NBPF11: variants seen among roughly 807,000 people sequenced by gnomAD.
The protein encoded by NBPF11 is NBPF member 11.
Under a neutral mutation model 93.9 loss-of-function variants are expected in NBPF11, and 72 were observed. The ratio of observed to expected loss-of-function variants is 0.77; its 90% CI spans 0.63 to 0.93. The LOEUF is 0.93. Among genes scored for constraint, NBPF11 ranks in the 40% least tolerant of loss-of-function variants. The pLI, the probability that NBPF11 is intolerant of heterozygous loss-of-function variation, is 0.00. For synonymous variants in NBPF11, 224 were observed against 304.9 expected (o/e 0.73, Z 2.76); for missense variants, 705 against 802.2 (o/e 0.88, Z 1.46).
At chr1:148,131,433 A>G (rs1457949592) in intron 4 of NBPF11, among the ~76,000 whole-genome samples, 2 of 151,942 alleles carry the variant, frequency 1.3e-5, no homozygotes, top group African/African-American at 4.8e-5. Context: ...CAGCACCTAG[A>G]CCCATTTAGA....
At chr1:148,120,253 T>G (rs3738660) in intron 10 of NBPF11, among the ~76,000 whole-genome samples, 5 of 152,202 alleles carry the variant, frequency 3.3e-5, no homozygotes, top group South Asian at 2.1e-4. Context: ...ATTCTGTGCC[T>G]GTGTCAGAAA....
chr1:148,130,700 T>A (rs1209682945), intron 4 of NBPF11, among the ~76,000 whole-genome samples: 1 of 151,552 alleles, frequency 6.6e-6, no homozygotes, highest in Non-Finnish European at 1.5e-5. Flanking sequence ...TGTAATTCAA[T>A]GCACGTTTAC....
intron 1 of NBPF11, chr1:148,146,526 G>C (rs1673112999): frequency 2.5e-6 from 4 of 1,603,176 alleles, no homozygotes; most frequent in Non-Finnish European, 3.4e-6. Flanking sequence ...CCGAGCTGGG[G>C]CCTGGTGGGG....
At chr1:148,139,965 C>T (rs1671918124) in intron 2 of NBPF11, among the ~76,000 whole-genome samples, 1 of 151,140 alleles carries the variant, frequency 6.6e-6, no homozygotes, top group Non-Finnish European at 1.5e-5. Context: ...ATGATCTCAA[C>T]CAGGTTCTCA....
At chr1:148,122,946 C>T (rs1244225203) in intron 7 of NBPF11, 145 bp from the exon 8 acceptor site, 28 of 1,448,916 alleles carry the variant, frequency 1.9e-5, no homozygotes, top group Non-Finnish European at 2.5e-5. Context: ...ACAAAATGCC[C>T]TGGCATGGTT....
In NBPF11 at chr1:148,132,123, A is replaced by AATAT. The variant is rs1345183884; in HGVS notation, c.-36+3545_-36+3548dup. Among the ~76,000 whole-genome samples, 6 of 138,798 alleles carry AATAT rather than the reference A, an allele frequency of 4.3e-5. No homozygotes were observed. In the East Asian group the frequency reaches 1.2e-3, roughly 28 times the overall value. The allele number at this position is 138,798 out of a possible 152,430, so 91.1% of individuals were successfully genotyped here. A position where few individuals can be genotyped will look rare whatever the true frequency, so the allele number is the denominator to read the frequency against. On this transcript the variant is annotated intron_variant, in intron 4 of 23. Coordinates refer to ENST00000682118, the MANE Select transcript of NBPF11 (RefSeq NM_001385469.3). Reference sequence around the variant, plus strand: ...TGTGCTGTTTATCTTATCAGACTGCAATATATATATGTGTGTGTGTGTATA... The same window carrying AATAT: ...TGTGCTGTTTATCTTATCAGACTGCAATATATATATATATGTGTGTGTGTGTATA...
chr1:148,119,507 G>A (rs1439375446), intron 10 of NBPF11, among the ~76,000 whole-genome samples: 4 of 151,758 alleles, frequency 2.6e-5, no homozygotes, highest in African/African-American at 9.7e-5. Context: ...CAGGAGACAG[G>A]CCCACGGTCC....
chr1:148,108,493 A>G lies in NBPF11; in HGVS notation c.2015T>C (p.Val672Ala), dbSNP rs1476407898. Residue 672 changes from valine to alanine, a missense_variant, in exon 18 of 24, where the codon GTT becomes GCT. By Grantham distance (64) the Val-to-Ala change is moderately conservative (BLOSUM62 0). This residue lies in a region of NBPF11 where 97 missense variants were observed against 65.0 expected (regional missense o/e 1.49). Transcript: ENST00000682118. ...VLEQQRIGLA[V>A]DMDEIEKYQE... ...AGAAAGGTACTCACCATCCATGTCA[A>G]CAGCCAAGCCAATACGCTGTTGCTC... 3.2e-5 allele frequency: 50 copies of G among 1,575,242 alleles called. No homozygotes were observed. The highest frequency in any genetic ancestry group is 4.1e-5 in the Non-Finnish European group (47 of 1,148,344).
intron 16 of NBPF11, among the ~76,000 whole-genome samples, chr1:148,109,768 A>C (rs1664800547): frequency 7.6e-6 from 1 of 130,938 alleles, no homozygotes; most frequent in African/African-American, 3.1e-5. Context: ...GTCAAAATGA[A>C]ACTTGGTTCT....
At chr1:148,118,554 C>G (rs1667102127) in intron 11 of NBPF11, 66 bp downstream of exon 11, 2 of 1,534,410 alleles carry the variant, frequency 1.3e-6, no homozygotes, top group Non-Finnish European at 1.8e-6. Flanking sequence ...CGTCTCCCCA[C>G]TGAGCTACTG....
At position 148,105,386 on chromosome 1, in the gene NBPF11, T is replaced by G; in HGVS notation, c.2446A>C (p.Met816Leu). 1 of 952,034 alleles carries G rather than the reference T, an allele frequency of 1.1e-6. No homozygotes were observed. Among genetic ancestry groups the G allele is most frequent in the Non-Finnish European group, 1.7e-6 (1 of 585,928 alleles). 59.0% of individuals were successfully genotyped at this position (952,034 alleles called of 1,614,324 possible). ...TCCCACGTCAAGAGAAAAGCCAACA[T>G]GTTTTTCCTCCAATGCATAAAAGGA... The part of the protein sequence containing the change: ...EVPFMHWRKN[M>L]LAFLLTWEKL... Residue 816 changes from methionine to leucine, a missense_variant, in exon 22 of 24, where the codon ATG becomes CTG. Met to Leu is a conservative substitution (Grantham distance 15, BLOSUM62 2). Transcript: ENST00000682118.
chr1:148,148,127 G>A (rs1356170456), intron 1 of NBPF11, among the ~76,000 whole-genome samples: 24 of 152,196 alleles, frequency 1.6e-4, no homozygotes, highest in Non-Finnish European at 2.9e-4. Context: ...CGGGGAGGCC[G>A]AGGCAGAGCT....
intron 5 of NBPF11, among the ~76,000 whole-genome samples, chr1:148,126,438 G>A (rs1160553903): frequency 6.7e-6 from 1 of 149,496 alleles, no homozygotes; most frequent in South Asian, 2.1e-4. Context: ...AGCTTTGCCT[G>A]TTGGGCCTCA....
rs1443597207 is a variant in NBPF11 at position 148,117,296 on chromosome 1, G to A, written c.1306+276C>T. On this transcript the variant is annotated intron_variant, in intron 12 of 23. Coordinates refer to ENST00000682118, the MANE Select transcript of NBPF11 (RefSeq NM_001385469.3). Reference sequence around the variant, plus strand: ...TCACTCTAACAAGCCTGCTCCCATCGCAGCCTCCTTCCTGTCCTTTAAAAC... The same window carrying A: ...TCACTCTAACAAGCCTGCTCCCATCACAGCCTCCTTCCTGTCCTTTAAAAC... Among the ~76,000 whole-genome samples the A allele has an allele frequency of 3.8e-4, 57 of 148,426 alleles. 1 individual carries two copies. Among genetic ancestry groups the A allele is most frequent in the African/African-American group, 1.0e-3 (40 of 39,264 alleles).
chr1:148,145,912 T>C (rs1380062682), intron 1 of NBPF11, among the ~76,000 whole-genome samples: 4 of 151,870 alleles, frequency 2.6e-5, no homozygotes, highest in African/African-American at 9.7e-5. Flanking sequence ...TCTCCATTCA[T>C]GAAAAAACGT....
In NBPF11 at chr1:148,130,847, G is replaced by A. The variant is rs1305359584; in HGVS notation, c.-35-3809C>T. On this transcript the variant is annotated intron_variant, in intron 4 of 23. Transcript: ENST00000682118. ...AAGGAGCCACTGTCACTTCAGGTCC[G>A]TTTGCATTTTTAACCATTTTCTATA... Among the ~76,000 whole-genome samples the A allele has an allele frequency of 2.3e-4, 35 of 151,868 alleles. No homozygotes were observed. The South Asian group carries it at 5.4e-3, about 23-fold the overall frequency.
chr1:148,107,437 G>A (rs1288547702), intron 19 of NBPF11, among the ~76,000 whole-genome samples: 9,928 of 136,686 alleles, frequency 0.073, 62 homozygotes, highest in East Asian at 0.13. Flanking sequence ...CATGAAAAGA[G>A]TGGGCTCAAT....
Position 148,105,511 on chromosome 1 carries a change from A to T in NBPF11, c.2321T>A (p.Leu774Gln). Residue 774 changes from leucine to glutamine, a missense_variant, in exon 22 of 24, where the codon CTG becomes CAG. Leu to Gln is a moderately radical substitution (Grantham distance 113). This residue lies in a region of NBPF11 where 109 missense variants were observed against 83.3 expected (regional missense o/e 1.31). Transcript: ENST00000682118. ...CAAGACTTCAGGCTCTACTACCTCC[A>T]GCAGCTCCCTGCTGAGCCTGGAAAA... ...PPCPRLSREL[L>Q]EVVEPEVLQD... 2.1e-6 allele frequency: 2 copies of T among 962,786 alleles called. 1 individual carries two copies. Among genetic ancestry groups the T allele is most frequent in the East Asian group, 5.3e-5 (2 of 37,862 alleles). The allele number at this position is 962,786 out of a possible 1,614,324, so 59.6% of individuals were successfully genotyped here.
At chr1:148,137,330 G>T (rs1490057069) in intron 3 of NBPF11, among the ~76,000 whole-genome samples, 5 of 151,042 alleles carry the variant, frequency 3.3e-5, no homozygotes, top group Non-Finnish European at 5.9e-5. Flanking sequence ...TGGAGTCAGA[G>T]TAGACTGTCT....
Sources: gnomAD v4.1 joint callset for allele counts (sites outside exome capture counted in the v4.1 genomes callset) on GRCh38, gnomAD v4.1.1 for gene constraint, gnomAD v4.1.1 regional missense constraint, MANE v1.5 for transcripts, NCBI Gene and HGNC (gene_info 2026-07-23, HGNC 2026-07-21) for gene names.